CNTN1: variants seen among roughly 807,000 people sequenced by gnomAD.
CNTN1 encodes contactin 1.
CNTN1 carries 38 observed loss-of-function variants against 126.4 expected under a neutral mutation model. The ratio of observed to expected loss-of-function variants is 0.30; its 90% CI spans 0.23 to 0.39. The LOEUF is 0.39. CNTN1 is among the 10% of genes least tolerant of loss of function. The probability of loss-of-function intolerance (pLI) is 1.00; values close to 1 mark genes in which losing one functional copy is unlikely to be tolerated. For missense variants in CNTN1, 1,009 were observed against 1,248.4 expected, an observed-to-expected ratio of 0.81 and a Z score of 2.89; for synonymous variants, 413 against 422.6, an observed-to-expected ratio of 0.98 and a Z score of 0.28.
chr12:40,813,180 G>A (rs1472821133), intron 1 of CNTN1, among the ~76,000 whole-genome samples: 2 of 117,788 alleles, frequency 1.7e-5, no homozygotes, highest in Non-Finnish European at 3.6e-5. Context: ...ATTTTTTGCT[G>A]TCTCCATTTT....
At chr12:40,887,440 T>C (rs374207188) in intron 1 of CNTN1, among the ~76,000 whole-genome samples, 1 of 152,138 alleles carries the variant, frequency 6.6e-6, no homozygotes, top group Non-Finnish European at 1.5e-5. Context: ...CCATCAGAGA[T>C]ATGCAAATCA....
rs763176080 is a variant in CNTN1 at position 40,918,678 on chromosome 12, A to G, written c.134A>G (p.Glu45Gly). 6.2e-7 allele frequency: 1 copy of G among 1,613,536 alleles called. No homozygotes were observed. The highest frequency in any genetic ancestry group is 1.1e-5 in the South Asian group (1 of 91,068). The change falls in exon 4 of 24, where the codon GAG (glutamate) becomes GGG (glycine). Residue 45 changes from glutamate (E) to glycine (G), a missense_variant. Physicochemically the swap from Glu to Gly is moderately conservative, Grantham distance 98. Coordinates refer to ENST00000551295, the MANE Select transcript of CNTN1 (RefSeq NM_001843.4). The stretch of plus-strand genomic sequence containing the variant: ...AAAGGATTTGGACCAATTTTTGAAG[A>G]GCAGCCAATCAATACCATTTATCCA... ...EDKGFGPIFE[E>G]QPINTIYPEE...
At chr12:40,922,731 G>C (rs1240381388) in intron 5 of CNTN1, among the ~76,000 whole-genome samples, 1 of 152,154 alleles carries the variant, frequency 6.6e-6, no homozygotes, top group South Asian at 2.1e-4. Context: ...CCAGCACTTT[G>C]GGAGGCTGAG....
chr12:40,844,068 G>GTTTTTTTTTTTTTTTTTT (rs1424373022), intron 1 of CNTN1, among the ~76,000 whole-genome samples: 2 of 40,238 alleles, frequency 5.0e-5, no homozygotes, highest in African/African-American at 1.4e-4. Context: ...TTGGCACAAT[G>GTTTTTTTTTTTTTTTTTT]ATTTTTTTTT....
intron 1 of CNTN1, among the ~76,000 whole-genome samples, chr12:40,856,966 TAAAG>T (rs1301502987): frequency 3.3e-5 from 5 of 152,116 alleles, no homozygotes; most frequent in African/African-American, 1.2e-4. Context: ...AACATATACT[TAAAG>T]CAACTATACA....
intron 17 of CNTN1, among the ~76,000 whole-genome samples, chr12:41,010,833 C>T (rs1376599029): frequency 6.6e-6 from 1 of 150,738 alleles, no homozygotes; most frequent in African/African-American, 2.4e-5. Context: ...TTCCATCCAT[C>T]TGTGGCATCA....
At chr12:40,719,517 G>T (rs183804320) in intron 1 of CNTN1, among the ~76,000 whole-genome samples, 1 of 152,160 alleles carries the variant, frequency 6.6e-6, no homozygotes, top group Non-Finnish European at 1.5e-5. Flanking sequence ...TGAAAGAAAA[G>T]AAGCAGTAGC....
At position 41,025,348 on chromosome 12, in the gene CNTN1, G is replaced by A. The variant is rs200608104; in HGVS notation, c.2710+12G>A. The A allele has an allele frequency of 2.7e-5, 43 of 1,612,522 alleles. 1 individual carries two copies. Among genetic ancestry groups the A allele is most frequent in the Admixed American group, 1.7e-4 (10 of 59,982 alleles). On this transcript the variant is annotated intron_variant, in intron 21 of 23. Transcript: ENST00000551295. ...CACCAAGAAAGCACGTGAGTCTCACGTTTTGTTTTTAGACTTGTCAAAAAC... is the reference window on the plus strand; with the variant it reads ...CACCAAGAAAGCACGTGAGTCTCACATTTTGTTTTTAGACTTGTCAAAAAC...
intron 1 of CNTN1, among the ~76,000 whole-genome samples, chr12:40,818,664 C>A (rs995893960): frequency 1.3e-5 from 2 of 152,190 alleles, no homozygotes; most frequent in Non-Finnish European, 1.5e-5. Context: ...CTGAAGCCTA[C>A]TTCAGTCAAT....
At position 40,922,400 on chromosome 12, in the gene CNTN1, A is replaced by T; in HGVS notation, c.372A>T (p.Arg124Ser). Residue 124 changes from arginine (R) to serine (S), a missense_variant, in exon 5 of 24, where the codon AGA (arginine) becomes AGT (serine). Physicochemically the swap from Arg to Ser is moderately radical, Grantham distance 110 (BLOSUM62 -1). Coordinates refer to ENST00000551295, the MANE Select transcript of CNTN1 (RefSeq NM_001843.4). ...CLASNNYGMV[R>S]STEATLSFGY... ...CATCTAATAACTACGGGATGGTCAG[A>T]AGCACTGAAGCAACCCTGAGCTTTG... 1 of 1,614,064 alleles carries T rather than the reference A, an allele frequency of 6.2e-7. No individual in the cohort carries two copies. Among genetic ancestry groups the T allele is most frequent in the Non-Finnish European group, 8.5e-7 (1 of 1,179,950 alleles).
At chr12:40,937,231 G>A (rs1053626683) in intron 10 of CNTN1, among the ~76,000 whole-genome samples, 17 of 151,912 alleles carry the variant, frequency 1.1e-4, no homozygotes, top group African/African-American at 4.1e-4. Flanking sequence ...ACCCCACAGA[G>A]ACAGAGGTAA....
At chr12:41,057,223 A>G (rs1009941540) in intron 23 of CNTN1, among the ~76,000 whole-genome samples, 2 of 145,722 alleles carry the variant, frequency 1.4e-5, no homozygotes, top group African/African-American at 4.9e-5. Context: ...ATTTATAAAT[A>G]TTATTATAAA....
chr12:40,727,720 C>A (rs1333135461), intron 1 of CNTN1, among the ~76,000 whole-genome samples: 2 of 152,126 alleles, frequency 1.3e-5, no homozygotes, highest in Non-Finnish European at 2.9e-5. Flanking sequence ...GCATGCTACA[C>A]CCTTTGTCTA....
At chr12:40,932,489 A>G (rs1033226891) in intron 7 of CNTN1, among the ~76,000 whole-genome samples, 3 of 152,022 alleles carry the variant, frequency 2.0e-5, no homozygotes, top group Admixed American at 6.6e-5. Context: ...CACCATGAGA[A>G]CAGACTAATA....
chr12:40,847,889 T>C (rs1942571239), intron 1 of CNTN1, among the ~76,000 whole-genome samples: 1 of 152,158 alleles, frequency 6.6e-6, no homozygotes, highest in Non-Finnish European at 1.5e-5. Context: ...CCACCTCAGA[T>C]CATAAGGCAT....
At chr12:41,015,176 CACAT>C (rs1336178343) in intron 18 of CNTN1, among the ~76,000 whole-genome samples, 1 of 129,928 alleles carries the variant, frequency 7.7e-6, no homozygotes, top group Non-Finnish European at 1.6e-5. Flanking sequence ...GCATTTAAAT[CACAT>C]TTTAAAGCAA....
chr12:40,815,065 G>T (rs1941213856), intron 1 of CNTN1, among the ~76,000 whole-genome samples: 1 of 152,090 alleles, frequency 6.6e-6, no homozygotes, highest in South Asian at 2.1e-4. Context: ...TTGTAGTATA[G>T]TTTGAAGTCA....
At chr12:40,776,886 T>C (rs1284956739) in intron 1 of CNTN1, among the ~76,000 whole-genome samples, 3 of 151,710 alleles carry the variant, frequency 2.0e-5, no homozygotes. Context: ...ATTTTTAACA[T>C]GTTATATATT....
chr12:40,922,066 T>A (rs1253169431), intron 4 of CNTN1, among the ~76,000 whole-genome samples, 190 bp from the exon 5 acceptor site: 1 of 152,216 alleles, frequency 6.6e-6, no homozygotes, highest in Admixed American at 6.5e-5. Flanking sequence ...TGTCTGTACT[T>A]GAGCTAAATT....
Sources: gnomAD v4.1 joint callset for allele counts (sites outside exome capture counted in the v4.1 genomes callset) on GRCh38, gnomAD v4.1.1 for gene constraint, MANE v1.5 for transcripts, NCBI Gene and HGNC (gene_info 2026-07-23, HGNC 2026-07-21) for gene names.